The following NOL8 variants were observed in gnomAD, a reference collection of about 807,000 sequenced individuals.
NOL8 encodes nucleolar protein 8.
NOL8 carries 93 observed loss-of-function variants against 116.1 expected under a neutral mutation model. That is an observed-to-expected ratio of 0.80 (90% CI 0.68 to 0.95). The LOEUF is 0.95. NOL8 is among the 40% of genes least tolerant of loss of function. The probability of loss-of-function intolerance (pLI) is 0.00; values close to 1 mark genes in which losing one functional copy is unlikely to be tolerated. For missense variants in NOL8, 1,291 were observed against 1,382.8 expected (o/e 0.93, Z 1.05); for synonymous variants, 419 against 469.0 (o/e 0.89, Z 1.38).
At chr9:92,307,098 C>G in intron 10 of NOL8, 74 bp from the exon 11 acceptor site, 3 of 1,445,188 alleles carry the variant, frequency 2.1e-6, no homozygotes, top group Non-Finnish European at 2.8e-6. Context: ...AAATATTTAC[C>G]AAGTACCTAA....
intron 4 of NOL8, chr9:92,319,934 C>A (rs541052604): frequency 2.5e-6 from 1 of 402,008 alleles, no homozygotes; most frequent in African/African-American, 2.1e-5. Context: ...CTGACATGCA[C>A]GCTTATACCT....
intron 14 of NOL8, 144 bp downstream of exon 14, chr9:92,299,746 C>T (rs1456522529): frequency 1.4e-4 from 114 of 804,866 alleles, no homozygotes; most frequent in Middle Eastern, 4.3e-4. Context: ...AGCAACACTC[C>T]GTCTCAAAAA....
At chr9:92,300,945 T>C in intron 13 of NOL8, 4 of 849,072 alleles carry the variant, frequency 4.7e-6, no homozygotes, top group Non-Finnish European at 5.7e-6. Flanking sequence ...GCTTTTACAG[T>C]GGGAACTTCC....
chr9:92,314,252 T>C lies in NOL8; in HGVS notation c.2358+15A>G, dbSNP rs776095348. On this transcript the variant is annotated intron_variant, in intron 7 of 16. Coordinates refer to ENST00000442668, the MANE Select transcript of NOL8 (RefSeq NM_017948.6). Reference sequence around the variant, plus strand: ...CTGAGTTCTTGTTAAATCCATACATTGAAAATATACTCACCAAATTTGCCA... The same window carrying C: ...CTGAGTTCTTGTTAAATCCATACATCGAAAATATACTCACCAAATTTGCCA... 1 of 1,536,278 alleles carries C rather than the reference T, an allele frequency of 6.5e-7. No individual in the cohort carries two copies. Among genetic ancestry groups the C allele is most frequent in the Admixed American group, 2.1e-5 (1 of 48,574 alleles).
chr9:92,297,897 A>G lies in NOL8; in HGVS notation c.3454-11T>C. ...TTTCTTTCGACAATCCTAGGAAAAA[A>G]AAAAGACTTGGTTAGCAATAAACAA... On this transcript the variant is annotated splice_polypyrimidine_tract_variant and intron_variant, in intron 16 of 16. Coordinates refer to ENST00000442668, the MANE Select transcript of NOL8 (RefSeq NM_017948.6). 6.5e-7 allele frequency: 1 copy of G among 1,539,160 alleles called. No homozygotes were observed.
intron 3 of NOL8, 101 bp downstream of exon 3, chr9:92,323,340 C>A: frequency 6.5e-7 from 1 of 1,544,284 alleles, no homozygotes; most frequent in Non-Finnish European, 8.7e-7. Flanking sequence ...CTCTGGATAA[C>A]GTGAAAAATG....
intron 13 of NOL8, chr9:92,300,672 A>G: frequency 9.4e-7 from 1 of 1,063,162 alleles, no homozygotes; most frequent in Non-Finnish European, 1.2e-6. Flanking sequence ...TAGACAAGAA[A>G]ATGAAGTCTT....
intron 6 of NOL8, among the ~76,000 whole-genome samples, chr9:92,318,033 CAAA>C (rs745928872): frequency 1.3e-3 from 46 of 34,598 alleles, no homozygotes; most frequent in African/African-American, 5.0e-3. Context: ...GACTCCATCT[CAAA>C]AAAAAAAAAA....
chr9:92,297,917 AAAC>A, intron 16 of NOL8, 31 bp from the exon 17 acceptor site: 1 of 1,523,634 alleles, frequency 6.6e-7, no homozygotes, highest in South Asian at 1.2e-5. Flanking sequence ...GGTTAGCAAT[AAAC>A]AAATTGTTTT....
chr9:92,315,054 T>A lies in NOL8; in HGVS notation c.1571A>T (p.Lys524Met), dbSNP rs556908456. Residue 524 changes from lysine (K) to methionine (M), a missense_variant, in exon 7 of 17, where the codon AAG (lysine) becomes ATG (methionine). Coordinates refer to ENST00000442668, the MANE Select transcript of NOL8 (RefSeq NM_017948.6). ...TTQCKFDRGS[K>M]SPKTPTGLRR... is the part of the protein sequence containing the mutation. ...GAGGCCAGTGGGAGTCTTGGGGCTCTTGGAGCCTCTGTCAAACTTGCATTG... is the reference window on the plus strand; with the variant it reads ...GAGGCCAGTGGGAGTCTTGGGGCTCATGGAGCCTCTGTCAAACTTGCATTG... 1.9e-6 allele frequency: 3 copies of A among 1,613,948 alleles called. No individual in the cohort carries two copies. The South Asian group carries it at 3.3e-5, about 18-fold the overall frequency.
intron 10 of NOL8, among the ~76,000 whole-genome samples, chr9:92,309,858 C>T (rs1353067296): frequency 6.6e-6 from 1 of 152,198 alleles, no homozygotes; most frequent in Non-Finnish European, 1.5e-5. Context: ...TCCATGGCTT[C>T]ACCCAGAACC....
intron 2 of NOL8, 75 bp downstream of exon 2, chr9:92,323,948 G>T: frequency 6.7e-7 from 1 of 1,488,524 alleles, no homozygotes; most frequent in Non-Finnish European, 9.2e-7. Context: ...CATTTATCTT[G>T]GGGTTGTTTT....
Position 92,298,273 on chromosome 9 carries a change from G to T in NOL8, c.3437C>A (p.Thr1146Lys), listed in dbSNP as rs765236671. 4 of 1,607,732 alleles carry T rather than the reference G, an allele frequency of 2.5e-6. No homozygotes were observed. The highest frequency in any genetic ancestry group is 3.4e-6 in the Non-Finnish European group (4 of 1,176,886). The change falls in exon 16 of 17, where the codon ACA becomes AAA. Residue 1146 changes from threonine to lysine, a missense_variant. Physicochemically the swap from Thr to Lys is moderately conservative, Grantham distance 78. Coordinates refer to ENST00000442668, the MANE Select transcript of NOL8 (RefSeq NM_017948.6). The part of the protein sequence containing the change: ...NMSRNSWEAR[T>K]TNLRMDCRKK... Reference sequence around the variant, plus strand: ...ATTACTCACCATACGCAGGTTGGTTGTTCTGGCCTCCCAAGAGTTCCTGCT... The same window carrying T: ...ATTACTCACCATACGCAGGTTGGTTTTTCTGGCCTCCCAAGAGTTCCTGCT...
chr9:92,319,445 C>A, intron 4 of NOL8, 89 bp from the exon 5 acceptor site: 2 of 1,333,028 alleles, frequency 1.5e-6, no homozygotes, highest in Non-Finnish European at 2.0e-6. Flanking sequence ...TAAATGAGCA[C>A]TATAAACAGC....
At position 92,315,254 on chromosome 9, in the gene NOL8, T is replaced by C. The variant is rs1185875369; in HGVS notation, c.1371A>G (p.Glu457=). 2 of 1,613,986 alleles carry C rather than the reference T, an allele frequency of 1.2e-6. No homozygotes were observed. Among genetic ancestry groups the C allele is most frequent in the East Asian group, 2.2e-5 (1 of 44,886 alleles). Residue 457 remains glutamate (E), a synonymous_variant, in exon 7 of 17, where the codon GAA becomes GAG. Coordinates refer to ENST00000442668, the MANE Select transcript of NOL8 (RefSeq NM_017948.6). ...RKSPSHSSSS[E]DADSASELAD... is the part of the protein sequence containing the mutation. ...CTAATTCTGATGCAGAATCAGCATC[T>C]TCACTGCTACTGGAGTGAGAGGGAG...
chr9:92,306,846 A>C (rs763091579), intron 11 of NOL8, 40 bp downstream of exon 11: 1 of 1,573,326 alleles, frequency 6.4e-7, no homozygotes, highest in East Asian at 2.3e-5. Context: ...ATTTATGGCA[A>C]AGGATGATAT....
intron 6 of NOL8, among the ~76,000 whole-genome samples, chr9:92,318,033 CAAAAAA>C (rs745928872): frequency 1.2e-3 from 43 of 34,606 alleles, no homozygotes; most frequent in Middle Eastern, 0.024. Context: ...GACTCCATCT[CAAAAAA>C]AAAAAAAAAA....
At chr9:92,312,446 T>TTA (rs1838887079) in intron 7 of NOL8, among the ~76,000 whole-genome samples, 1 of 57,544 alleles carries the variant, frequency 1.7e-5, no homozygotes, top group Non-Finnish European at 3.1e-5. Context: ...TGAGACCCTG[T>TTA]AAAAAAAAAA....
Position 92,315,837 on chromosome 9 carries a change from G to A in NOL8, c.788C>T (p.Thr263Ile), listed in dbSNP as rs1401840425. Residue 263 changes from threonine (T) to isoleucine (I), a missense_variant, in exon 7 of 17, where the codon ACT becomes ATT. By Grantham distance (89) the Thr-to-Ile change is moderately conservative. Transcript: ENST00000442668. ...AAQKRTCDSI[T>I]PSKSSPVPVS... ...AGGTACAGGAGATGATTTAGAAGGA[G>A]TAATGGAATCACAAGTTCTTTTTTG... 1.9e-6 allele frequency: 3 copies of A among 1,613,858 alleles called. No homozygotes were observed. The highest frequency in any genetic ancestry group is 1.3e-5 in the African/African-American group (1 of 74,928).
Sources: gnomAD v4.1 joint callset for allele counts (sites outside exome capture counted in the v4.1 genomes callset) on GRCh38, gnomAD v4.1.1 for gene constraint, MANE v1.5 for transcripts, NCBI Gene and HGNC (gene_info 2026-07-23, HGNC 2026-07-21) for gene names.